Variants in CRISPLD1 observed in about 807,000 individuals in gnomAD.
CRISPLD1 encodes cysteine-rich secretory protein LCCL domain-containing 1.
A neutral mutation model predicts 77.5 loss-of-function variants in CRISPLD1; 60 were observed. The ratio of observed to expected loss-of-function variants is 0.77; its 90% CI spans 0.63 to 0.96. The LOEUF is 0.96. Among genes scored for constraint, CRISPLD1 ranks in the 40% least tolerant of loss-of-function variants. The pLI, the probability that CRISPLD1 is intolerant of heterozygous loss-of-function variation, is 0.00. For missense variants in CRISPLD1, 623 were observed against 615.8 expected (o/e 1.01, Z -0.12); for synonymous variants, 195 against 200.1 (o/e 0.97, Z 0.22).
Position 75,012,090 on chromosome 8 carries a change from T to A in CRISPLD1, c.259-343T>A, listed in dbSNP as rs112915169. Among the ~76,000 whole-genome samples, 1,411 of 152,216 alleles carry A rather than the reference T, an allele frequency of 9.3e-3. 20 individuals carry two copies. The highest frequency in any genetic ancestry group is 0.032 in the African/African-American group (1,323 of 41,536). On this transcript the variant is annotated intron_variant, in intron 2 of 14. Coordinates refer to ENST00000262207, the MANE Select transcript of CRISPLD1 (RefSeq NM_031461.6). ...ATGTCAGCAAGAGCAAGGACTTGTATGCTTAATGATAGGGAAGAGTGGGAC... is the reference window on the plus strand; with the variant it reads ...ATGTCAGCAAGAGCAAGGACTTGTAAGCTTAATGATAGGGAAGAGTGGGAC...
chr8:75,003,082 A>G (rs753938215), intron 2 of CRISPLD1, among the ~76,000 whole-genome samples: 1 of 152,226 alleles, frequency 6.6e-6, no homozygotes, highest in Non-Finnish European at 1.5e-5. Flanking sequence ...TGTTGTTTGT[A>G]GCTCTCACTG....
intron 10 of CRISPLD1, among the ~76,000 whole-genome samples, chr8:75,018,395 G>T (rs772480944): frequency 6.6e-6 from 1 of 152,026 alleles, no homozygotes; most frequent in African/African-American, 2.4e-5. Flanking sequence ...GGGCTCAAGC[G>T]ATTCTCCTGC....
At chr8:74,985,559 G>A (rs1201540783) in intron 1 of CRISPLD1, among the ~76,000 whole-genome samples, 2 of 152,118 alleles carry the variant, frequency 1.3e-5, no homozygotes, top group South Asian at 4.1e-4. Context: ...GAAATCAAAC[G>A]TTCTAGGTAG....
Position 74,986,130 on chromosome 8 carries a change from T to G in CRISPLD1, c.143T>G (p.Ile48Arg). The G allele has an allele frequency of 6.2e-7, 1 of 1,614,104 alleles. No individual in the cohort carries two copies. The highest frequency in any genetic ancestry group is 1.6e-4 in the Middle Eastern group (1 of 6,062). ...ATGGATGAGGATGGTGAGTGGTGGA[T>G]AGCCAAACAACGAGGGAAAAGGGCC... ...KYMDEDGEWW[I>R]AKQRGKRAIT... is the part of the protein sequence containing the mutation. Residue 48 changes from isoleucine to arginine, a missense_variant, in exon 2 of 15, where the codon ATA (isoleucine) becomes AGA (arginine). By Grantham distance (97) the Ile-to-Arg change is moderately conservative. Coordinates refer to ENST00000262207, the MANE Select transcript of CRISPLD1 (RefSeq NM_031461.6).
At chr8:75,018,057 C>T (rs937772740) in intron 10 of CRISPLD1, among the ~76,000 whole-genome samples, 2 of 152,006 alleles carry the variant, frequency 1.3e-5, no homozygotes, top group African/African-American at 2.4e-5. Context: ...TTTTGAAATA[C>T]CTCTTTAGTG....
chr8:74,996,131 A>G (rs901630969), intron 2 of CRISPLD1, among the ~76,000 whole-genome samples: 3 of 151,604 alleles, frequency 2.0e-5, no homozygotes, highest in Admixed American at 6.6e-5. Context: ...TATGTAATAC[A>G]TGTATATGTG....
At chr8:75,023,960 T>G (rs1298591890) in intron 12 of CRISPLD1, among the ~76,000 whole-genome samples, 2 of 152,198 alleles carry the variant, frequency 1.3e-5, no homozygotes, top group African/African-American at 2.4e-5. Context: ...TCATATTGTA[T>G]TAGAGCCTGA....
rs1221551697 is a variant in CRISPLD1, at chr8:74,986,215, G to A, written c.228G>A (p.Val76=). ...TTCATAATAAATTACGAAGTCAGGT[G>A]TATCCAACAGCCTCTAATATGGAGT... The part of the protein sequence containing the change: ...LDLHNKLRSQ[V]YPTASNMEYM... Residue 76 remains valine (V), a synonymous_variant, in exon 2 of 15, where the codon GTG becomes GTA. Coordinates refer to ENST00000262207, the MANE Select transcript of CRISPLD1 (RefSeq NM_031461.6). 4 of 1,614,102 alleles carry A rather than the reference G, an allele frequency of 2.5e-6. No individual in the cohort carries two copies. The highest frequency in any genetic ancestry group is 1.1e-5 in the South Asian group (1 of 91,080).
intron 12 of CRISPLD1, among the ~76,000 whole-genome samples, chr8:75,023,959 A>G (rs1813187593): frequency 6.6e-6 from 1 of 152,306 alleles, no homozygotes; most frequent in African/African-American, 2.4e-5. Flanking sequence ...GTCATATTGT[A>G]TTAGAGCCTG....
chr8:74,998,053 G>A (rs958499558), intron 2 of CRISPLD1, among the ~76,000 whole-genome samples: 3 of 152,176 alleles, frequency 2.0e-5, no homozygotes, highest in South Asian at 2.1e-4. Context: ...TTTGCAGGTT[G>A]CTGGGAATAA....
chr8:75,019,663 C>T (rs1230711197), intron 10 of CRISPLD1, among the ~76,000 whole-genome samples: 6 of 151,734 alleles, frequency 4.0e-5, no homozygotes, highest in East Asian at 3.9e-4. Context: ...AAGAGATTAC[C>T]GGAAGAATGG....
chr8:75,001,190 T>C (rs1033796310), intron 2 of CRISPLD1, among the ~76,000 whole-genome samples: 1 of 152,212 alleles, frequency 6.6e-6, no homozygotes, highest in Non-Finnish European at 1.5e-5. Context: ...CACAATTTTA[T>C]ATAAAACAAA....
At chr8:75,010,647 A>C (rs907656291) in intron 2 of CRISPLD1, among the ~76,000 whole-genome samples, 16 of 151,994 alleles carry the variant, frequency 1.1e-4, no homozygotes, top group African/African-American at 3.4e-4. Context: ...CTCTACTCCC[A>C]AAAATATCTT....
rs1011935320 is a variant in CRISPLD1 at position 75,000,289 on chromosome 8, T to C, written c.259-12144T>C. The C allele has an allele frequency of 3.6e-5, 35 of 984,868 alleles. No individual in the cohort carries two copies. The African/African-American group carries it at 5.6e-4, about 16-fold the overall frequency. The allele number at this position is 984,868 out of a possible 1,614,324, so 61.0% of individuals were successfully genotyped here. ...TCAGATGTTGTCCAGAGAAGGAAAA[T>C]CAAATGATAAAAGTGTTGAGAGAGG... On this transcript the variant is annotated intron_variant, in intron 2 of 14. Coordinates refer to ENST00000262207, the MANE Select transcript of CRISPLD1 (RefSeq NM_031461.6).
At chr8:74,985,151 C>G (rs1039457101) in intron 1 of CRISPLD1, among the ~76,000 whole-genome samples, 1 of 152,040 alleles carries the variant, frequency 6.6e-6, no homozygotes, top group Non-Finnish European at 1.5e-5. Flanking sequence ...CGCGCGCTTT[C>G]CATTTGAGTT....
chr8:74,996,406 T>A (rs1448331533), intron 2 of CRISPLD1, among the ~76,000 whole-genome samples: 1 of 152,096 alleles, frequency 6.6e-6, no homozygotes, highest in East Asian at 1.9e-4. Context: ...GAGGAATGCA[T>A]TAGTGTATAA....
chr8:75,020,382 G>A (rs1813112910), intron 12 of CRISPLD1, among the ~76,000 whole-genome samples: 1 of 152,200 alleles, frequency 6.6e-6, no homozygotes, highest in East Asian at 1.9e-4. Flanking sequence ...ACTGGGTGGT[G>A]TAAACATGAG....
At chr8:75,016,471 A>G (rs1813028866) in intron 6 of CRISPLD1, 94 bp from the exon 7 acceptor site, 4 of 1,236,924 alleles carry the variant, frequency 3.2e-6, no homozygotes, top group Non-Finnish European at 2.2e-6. Context: ...CTAGTTCTAA[A>G]TGTTAAATAG....
At chr8:75,031,788 C>T (rs753711952) in intron 14 of CRISPLD1, among the ~76,000 whole-genome samples, 1 of 151,976 alleles carries the variant, frequency 6.6e-6, no homozygotes, top group Non-Finnish European at 1.5e-5. Flanking sequence ...TATCAGCTAT[C>T]TTTTTAGCTT....
Sources: gnomAD v4.1 joint callset for allele counts (sites outside exome capture counted in the v4.1 genomes callset) on GRCh38, gnomAD v4.1.1 for gene constraint, MANE v1.5 for transcripts, NCBI Gene and HGNC (gene_info 2026-07-23, HGNC 2026-07-21) for gene names.